Variants in CCNB1 observed in about 807,000 individuals in gnomAD.
CCNB1 encodes cyclin B1.
A neutral mutation model predicts 44.4 loss-of-function variants in CCNB1; 26 were observed. That is an observed-to-expected ratio of 0.59 (90% confidence interval 0.43 to 0.81). The LOEUF is 0.81. Among genes scored for constraint, CCNB1 ranks in the 40% least tolerant of loss-of-function variants. The probability of loss-of-function intolerance (pLI) is 0.00; values close to 1 mark genes in which losing one functional copy is unlikely to be tolerated. For synonymous variants in CCNB1, 195 were observed against 181.4 expected (o/e 1.08, Z -0.60); for missense variants, 477 against 520.9 (o/e 0.92, Z 0.82).
Position 69,167,978 on chromosome 5 carries a change from C to G in CCNB1, c.92C>G (p.Pro31Arg), listed in dbSNP as rs1375053404. 2 of 1,614,096 alleles carry G rather than the reference C, an allele frequency of 1.2e-6. No homozygotes were observed. Among genetic ancestry groups the G allele is most frequent in the African/African-American group, 2.7e-5 (2 of 74,936 alleles). The change falls in exon 2 of 9, where the codon CCT becomes CGT. Residue 31 changes from proline (P) to arginine (R), a missense_variant. Coordinates refer to ENST00000256442, the MANE Select transcript of CCNB1 (RefSeq NM_031966.4). ...MAGAKRVPTAPAATSKPGLRP... is the reference protein window; with the variant it reads ...MAGAKRVPTARAATSKPGLRP... Reference sequence around the variant, plus strand: ...GGCGCAAAGCGCGTTCCTACGGCCCCTGCTGCAACCTCCAAGCCCGGACTG... The same window carrying G: ...GGCGCAAAGCGCGTTCCTACGGCCCGTGCTGCAACCTCCAAGCCCGGACTG...
In CCNB1 at chr5:69,171,453, G is replaced by T; in HGVS notation, c.546+1G>T. Reference sequence around the variant, plus strand: ...TTATGCTTATCTGAGACAACTTGAGGTAAGTATTATCATTCGTTTTTTTTC... The same window carrying T: ...TTATGCTTATCTGAGACAACTTGAGTTAAGTATTATCATTCGTTTTTTTTC... On this transcript the variant is annotated splice_donor_variant, in intron 4 of 8. Transcript: ENST00000256442. LOFTEE classifies it high-confidence loss of function. 2 of 1,590,340 alleles carry T rather than the reference G, an allele frequency of 1.3e-6. No homozygotes were observed. Among genetic ancestry groups the T allele is most frequent in the East Asian group, 4.5e-5 (2 of 44,520 alleles).
chr5:69,171,424 A>G lies in CCNB1; in HGVS notation c.518A>G (p.Asp173Gly). 6.2e-7 allele frequency: 1 copy of G among 1,606,906 alleles called. No individual in the cohort carries two copies. The highest frequency in any genetic ancestry group is 8.5e-7 in the Non-Finnish European group (1 of 1,177,978). The change falls in exon 4 of 9, where the codon GAT (aspartate) becomes GGT (glycine). Residue 173 changes from aspartate to glycine, a missense_variant. By Grantham distance (94) the Asp-to-Gly change is moderately conservative (BLOSUM62 -1). Transcript: ENST00000256442. ...AACCTTTGTAGTGAATATGTGAAAG[A>G]TATTTATGCTTATCTGAGACAACTT... ...DPNLCSEYVK[D>G]IYAYLRQLEE... is the part of the protein sequence containing the mutation.
chr5:69,172,346 G>A (rs559050468), intron 4 of CCNB1, among the ~76,000 whole-genome samples: 1 of 152,050 alleles, frequency 6.6e-6, no homozygotes, highest in South Asian at 2.1e-4. Flanking sequence ...TCCAGCCTCC[G>A]CCTCGGGTCA....
At position 69,175,491 on chromosome 5, in the gene CCNB1, C is replaced by T. The variant is rs772101277; in HGVS notation, c.1037C>T (p.Ala346Val). 6.2e-7 allele frequency: 1 copy of T among 1,613,976 alleles called. No homozygotes were observed. The highest frequency in any genetic ancestry group is 8.5e-7 in the Non-Finnish European group (1 of 1,179,868). ...MVHFPPSQIA[A>V]GAFCLALKIL... Reference sequence around the variant, plus strand: ...CACTTTCCTCCTTCTCAAATTGCAGCAGGAGCTTTTTGCTTAGCACTGAAA... The same window carrying T: ...CACTTTCCTCCTTCTCAAATTGCAGTAGGAGCTTTTTGCTTAGCACTGAAA... Residue 346 changes from alanine to valine, a missense_variant, in exon 7 of 9, where the codon GCA becomes GTA. Ala to Val is a moderately conservative substitution (Grantham distance 64). Transcript: ENST00000256442.
At chr5:69,172,491 A>G (rs1197302776) in intron 4 of CCNB1, among the ~76,000 whole-genome samples, 2 of 152,074 alleles carry the variant, frequency 1.3e-5, no homozygotes, top group African/African-American at 2.4e-5. Flanking sequence ...TCCTGACCTT[A>G]GATGATCTAC....
rs1211939022 is a variant in CCNB1 at position 69,177,815 on chromosome 5, A to C, written c.*184A>C. On this transcript the variant is annotated 3_prime_UTR_variant, in exon 9 of 9. Coordinates refer to ENST00000256442, the MANE Select transcript of CCNB1 (RefSeq NM_031966.4). The stretch of plus-strand genomic sequence containing the variant: ...TAGCGGAAAAGTTGTCTTAAAAGGT[A>C]TGGTGGGGATATTTTTAAAAACTCC... 5.9e-6 allele frequency: 3 copies of C among 510,396 alleles called. No individual in the cohort carries two copies. Among genetic ancestry groups the C allele is most frequent in the Non-Finnish European group, 1.0e-5 (3 of 287,244 alleles). The allele number at this position is 510,396 out of a possible 1,614,324, so 31.6% of individuals were successfully genotyped here.
chr5:69,177,360 A>G lies in CCNB1; in HGVS notation c.1194+11A>G, dbSNP rs1374739927. The stretch of plus-strand genomic sequence containing the variant: ...CTTACAAAGCACATGGTGAGTCAAT[A>G]TAGTGGCATTGTAAGATGCTGAAAA... On this transcript the variant is annotated intron_variant, in intron 8 of 8. Transcript: ENST00000256442. 8 of 1,528,054 alleles carry G rather than the reference A, an allele frequency of 5.2e-6. No homozygotes were observed. The highest frequency in any genetic ancestry group is 2.7e-5 in the African/African-American group (2 of 73,250). The allele number at this position is 1,528,054 out of a possible 1,614,324, so 94.7% of individuals were successfully genotyped here.
intron 7 of CCNB1, 83 bp from the exon 8 acceptor site, chr5:69,177,156 C>T: frequency 1.3e-6 from 1 of 752,420 alleles, no homozygotes; most frequent in East Asian, 2.6e-5. Flanking sequence ...CTCTTTTCCA[C>T]TCCTGAATAA....
intron 3 of CCNB1, among the ~76,000 whole-genome samples, chr5:69,169,185 C>T (rs1245084565): frequency 6.6e-6 from 1 of 152,056 alleles, no homozygotes; most frequent in African/African-American, 2.4e-5. Context: ...ATTTTCCTGC[C>T]TCAGCCTCCC....
intron 3 of CCNB1, among the ~76,000 whole-genome samples, chr5:69,169,738 T>C (rs867602412): frequency 2.6e-5 from 4 of 152,112 alleles, no homozygotes; most frequent in Admixed American, 2.0e-4. Flanking sequence ...CCACAACCTC[T>C]GCCTCCCGAG....
chr5:69,170,752 A>T (rs1375483041), intron 3 of CCNB1, among the ~76,000 whole-genome samples: 1 of 151,564 alleles, frequency 6.6e-6, no homozygotes, highest in Non-Finnish European at 1.5e-5. Flanking sequence ...GGGCCTCCTG[A>T]GTAGTTAGGA....
chr5:69,176,978 A>G (rs944027978), intron 7 of CCNB1: 33 of 283,168 alleles, frequency 1.2e-4, no homozygotes, highest in Non-Finnish European at 1.3e-4. Context: ...TCAAAAAAAA[A>G]AAAAATTACA....
chr5:69,177,364 T>C lies in CCNB1; in HGVS notation c.1194+15T>C, dbSNP rs772198712. ...CAAAGCACATGGTGAGTCAATATAG[T>C]GGCATTGTAAGATGCTGAAAAGTGT... is the stretch of plus-strand genomic sequence containing the variant. On this transcript the variant is annotated intron_variant, in intron 8 of 8. Transcript: ENST00000256442. 2.6e-6 allele frequency: 4 copies of C among 1,517,012 alleles called. No homozygotes were observed. The highest frequency in any genetic ancestry group is 3.7e-6 in the Non-Finnish European group (4 of 1,093,064). The allele number at this position is 1,517,012 out of a possible 1,614,324, so 94.0% of individuals were successfully genotyped here.
chr5:69,172,702 A>G (rs1284062495), intron 4 of CCNB1, among the ~76,000 whole-genome samples: 2 of 148,662 alleles, frequency 1.3e-5, no homozygotes, highest in African/African-American at 2.5e-5. Flanking sequence ...TTCTTCTTCC[A>G]TCTTTCTAGT....
At position 69,177,932 on chromosome 5, in the gene CCNB1, A is replaced by T; in HGVS notation, c.*301A>T. 1 of 224,382 alleles carries T rather than the reference A, an allele frequency of 4.5e-6. No homozygotes were observed. Among genetic ancestry groups the T allele is most frequent in the Non-Finnish European group, 8.8e-6 (1 of 113,510 alleles). 13.9% of individuals were successfully genotyped at this position (224,382 alleles called of 1,614,324 possible). ...GGCTTTTACTTTATTAATATGAGTT[A>T]CTGAAGGTGATGGAGGTATTTGAAA... On this transcript the variant is annotated 3_prime_UTR_variant, in exon 9 of 9. Coordinates refer to ENST00000256442, the MANE Select transcript of CCNB1 (RefSeq NM_031966.4).
chr5:69,175,172 A>T, intron 6 of CCNB1, 59 bp downstream of exon 6: 1 of 1,295,292 alleles, frequency 7.7e-7, no homozygotes. Flanking sequence ...ACTGCTGCTG[A>T]CCAAGCACGT....
chr5:69,167,410 G>A (rs1747359143), intron 1 of CCNB1, 127 bp downstream of exon 1: 1 of 1,078,652 alleles, frequency 9.3e-7, no homozygotes, highest in Admixed American at 1.9e-5. Flanking sequence ...AGGTGGGAGG[G>A]GACTCACCAA....
At chr5:69,174,590 A>C (rs866359257) in intron 5 of CCNB1, among the ~76,000 whole-genome samples, 181 bp downstream of exon 5, 5 of 152,186 alleles carry the variant, frequency 3.3e-5, no homozygotes, top group Admixed American at 2.6e-4. Context: ...TCTACTAAAA[A>C]TACAAAAAAT....
Position 69,167,891 on chromosome 5 carries a change from G to A in CCNB1, c.22-17G>A. On this transcript the variant is annotated splice_polypyrimidine_tract_variant and intron_variant, in intron 1 of 8. Coordinates refer to ENST00000256442, the MANE Select transcript of CCNB1 (RefSeq NM_031966.4). ...GCCTTCGTGGATCAGCTCTTAAAGT[G>A]GTCTTGCTTCTTTCAGAACTCGAAA... The A allele has an allele frequency of 6.2e-7, 1 of 1,601,004 alleles. No individual in the cohort carries two copies. Among genetic ancestry groups the A allele is most frequent in the Admixed American group, 1.8e-5 (1 of 56,980 alleles).
Sources: gnomAD v4.1 joint callset for allele counts (sites outside exome capture counted in the v4.1 genomes callset) on GRCh38, gnomAD v4.1.1 for gene constraint, MANE v1.5 for transcripts, NCBI Gene and HGNC (gene_info 2026-07-23, HGNC 2026-07-21) for gene names.